The following HDAC9 variants were observed in gnomAD, a reference collection of about 807,000 sequenced individuals.
HDAC9 encodes MEF-2 interacting transcription repressor (MITR) protein.
HDAC9 carries 41 observed loss-of-function variants against 139.4 expected under a neutral mutation model. The observed-to-expected ratio is 0.29, with a 90% CI of 0.23 to 0.38. The LOEUF is 0.38. HDAC9 is among the 10% of genes least tolerant of loss of function. HDAC9 has a pLI of 1.00. For missense variants in HDAC9, 1,147 were observed against 1,297.0 expected (o/e 0.88, Z 1.78); for synonymous variants, 517 against 476.2 (o/e 1.09, Z -1.12).
intron 2 of HDAC9, among the ~76,000 whole-genome samples, chr7:18,230,516 C>T (rs556990148): frequency 6.6e-6 from 1 of 152,274 alleles, no homozygotes; most frequent in East Asian, 1.9e-4. Flanking sequence ...ACCAGAATAG[C>T]ATTTATCACC....
intron 2 of HDAC9, among the ~76,000 whole-genome samples, chr7:18,170,059 A>G (rs1045039011): frequency 3.3e-5 from 5 of 152,192 alleles, no homozygotes; most frequent in African/African-American, 1.2e-4. Flanking sequence ...TGGTTGAACT[A>G]GTTTGCACTC....
intron 12 of HDAC9, among the ~76,000 whole-genome samples, chr7:18,709,660 G>A (rs933366487): frequency 4.6e-5 from 7 of 152,220 alleles, no homozygotes; most frequent in Admixed American, 2.0e-4. Context: ...GGAATTGACT[G>A]TGAATAAACC....
At chr7:18,549,436 G>A (rs934138571) in intron 2 of HDAC9, among the ~76,000 whole-genome samples, 1 of 152,128 alleles carries the variant, frequency 6.6e-6, no homozygotes, top group Non-Finnish European at 1.5e-5. Flanking sequence ...TAAACAAACT[G>A]TGTGGTACAT....
At chr7:18,527,573 A>T (rs992488080) in intron 2 of HDAC9, among the ~76,000 whole-genome samples, 2 of 152,200 alleles carry the variant, frequency 1.3e-5, no homozygotes, top group Non-Finnish European at 2.9e-5. Context: ...TTCACAATAC[A>T]AAAGTCATTC....
At chr7:18,920,741 A>G (rs1410299573) in intron 22 of HDAC9, among the ~76,000 whole-genome samples, 4 of 152,040 alleles carry the variant, frequency 2.6e-5, no homozygotes, top group Non-Finnish European at 4.4e-5. Flanking sequence ...TTCTGCATCT[A>G]TTGAGATAAT....
At chr7:18,889,491 T>G (rs1202704221) in intron 22 of HDAC9, among the ~76,000 whole-genome samples, 1 of 152,220 alleles carries the variant, frequency 6.6e-6, no homozygotes, top group Non-Finnish European at 1.5e-5. Flanking sequence ...TCTCTTTATT[T>G]TTTCTTTTAC....
At chr7:18,225,613 A>T (rs1006694504) in intron 2 of HDAC9, among the ~76,000 whole-genome samples, 2 of 152,156 alleles carry the variant, frequency 1.3e-5, no homozygotes, top group African/African-American at 2.4e-5. Flanking sequence ...TGGAATCTTA[A>T]ATATAATTGA....
chr7:18,971,173 G>A (rs944352373), intron 24 of HDAC9, among the ~76,000 whole-genome samples: 1 of 151,932 alleles, frequency 6.6e-6, no homozygotes, highest in East Asian at 1.9e-4. Context: ...TTCATTATTT[G>A]TGTTACTTTT....
At chr7:18,931,012 G>A (rs6651064) in intron 22 of HDAC9, among the ~76,000 whole-genome samples, 8,198 of 152,128 alleles carry the variant, frequency 0.054, 539 homozygotes, top group African/African-American at 0.15. Flanking sequence ...TGAATTCTCA[G>A]TTACTAGAAA....
chr7:18,572,428 G>C (rs1253668904), intron 2 of HDAC9, among the ~76,000 whole-genome samples: 4 of 150,786 alleles, frequency 2.7e-5, no homozygotes, highest in Non-Finnish European at 5.9e-5. Flanking sequence ...TGAGGCAGAG[G>C]ATTTCCTTAT....
intron 2 of HDAC9, among the ~76,000 whole-genome samples, chr7:18,568,917 C>A (rs568289186): frequency 6.6e-6 from 1 of 152,000 alleles, no homozygotes; most frequent in Non-Finnish European, 1.5e-5. Context: ...CGTGGTGGCA[C>A]ATACCTGTAA....
chr7:18,865,185 T>C (rs4379362), intron 21 of HDAC9, among the ~76,000 whole-genome samples: 149,591 of 152,300 alleles, frequency 0.98, 73,469 homozygotes, highest in East Asian at 1. Flanking sequence ...TGGGCCCCTC[T>C]GAGGAGGCCA....
intron 1 of HDAC9, among the ~76,000 whole-genome samples, chr7:18,292,768 G>A (rs1373991851): frequency 6.6e-6 from 1 of 152,072 alleles, no homozygotes; most frequent in Non-Finnish European, 1.5e-5. Context: ...GATAAACATT[G>A]ATGCGCTGCA....
At chr7:18,574,772 G>A (rs955357720) in intron 2 of HDAC9, among the ~76,000 whole-genome samples, 1 of 152,256 alleles carries the variant, frequency 6.6e-6, no homozygotes, top group Admixed American at 6.5e-5. Flanking sequence ...TTGCGACAGT[G>A]CCTGGGCTTG....
chr7:18,620,981 C>A (rs748179567), intron 6 of HDAC9, among the ~76,000 whole-genome samples: 1 of 152,032 alleles, frequency 6.6e-6, no homozygotes, highest in African/African-American at 2.4e-5. Flanking sequence ...TGCTGTCTTT[C>A]GAAGCAAAAC....
intron 16 of HDAC9, among the ~76,000 whole-genome samples, chr7:18,782,932 A>G (rs1217698616): frequency 6.6e-6 from 1 of 152,140 alleles, no homozygotes. Context: ...CTAAGGCAAC[A>G]AAATAGATAA....
At chr7:18,258,951 C>CTTTTTT (rs199607615) in intron 2 of HDAC9, among the ~76,000 whole-genome samples, 7 of 98,370 alleles carry the variant, frequency 7.1e-5, no homozygotes, top group Non-Finnish European at 1.3e-4. Flanking sequence ...TCTTCTTCTC[C>CTTTTTT]TTTTTTTTTT....
At chr7:18,962,291 G>A (rs778364221) in intron 24 of HDAC9, among the ~76,000 whole-genome samples, 21 of 152,202 alleles carry the variant, frequency 1.4e-4, no homozygotes, top group Admixed American at 3.3e-4. Context: ...GAAAAGCAGC[G>A]TTAGGCATTT....
chr7:18,791,072 G>A (rs1792261617), intron 16 of HDAC9, among the ~76,000 whole-genome samples: 1 of 152,182 alleles, frequency 6.6e-6, no homozygotes, highest in African/African-American at 2.4e-5. Flanking sequence ...AAACGTATTT[G>A]TGGCTACCTA....
Sources: gnomAD v4.1 joint callset for allele counts (sites outside exome capture counted in the v4.1 genomes callset) on GRCh38, gnomAD v4.1.1 for gene constraint, MANE v1.5 for transcripts, NCBI Gene and HGNC (gene_info 2026-07-23, HGNC 2026-07-21) for gene names.